Variants in ART3 observed in about 807,000 individuals in gnomAD.
The protein encoded by ART3 is ecto-ADP-ribosyltransferase 3.
In ART3, 49 loss-of-function variants were observed where a neutral mutation model predicts 48.5. That is an observed-to-expected ratio of 1.01 (90% confidence interval 0.80 to 1.28). ART3 has a LOEUF of 1.28. Ranked by LOEUF, ART3 falls within the 50% of genes most tolerant of loss-of-function variation. ART3 has a pLI of 0.00. For synonymous variants in ART3, 145 were observed against 157.2 expected (o/e 0.92, Z 0.58); for missense variants, 438 against 454.3 (o/e 0.96, Z 0.33).
At chr4:76,037,951 A>G (rs2149415512) in intron 1 of ART3, among the ~76,000 whole-genome samples, 1 of 152,256 alleles carries the variant, frequency 6.6e-6, no homozygotes, top group African/African-American at 2.4e-5. Context: ...GAAATTATAT[A>G]TTTATTTAGA....
At chr4:76,017,554 A>G (rs888980882) in intron 1 of ART3, among the ~76,000 whole-genome samples, 1 of 151,880 alleles carries the variant, frequency 6.6e-6, no homozygotes, top group African/African-American at 2.4e-5. Context: ...GGGTGGTGCA[A>G]GCACTCTCTT....
intron 1 of ART3, among the ~76,000 whole-genome samples, chr4:76,016,502 T>C (rs1438998136): frequency 6.6e-6 from 1 of 152,182 alleles, no homozygotes; most frequent in East Asian, 1.9e-4. Flanking sequence ...ACCACTGACG[T>C]TGTGCTGAGT....
Position 76,097,683 on chromosome 4 carries a change from T to C in ART3, c.814+7T>C. On this transcript the variant is annotated splice_region_variant and intron_variant, in intron 4 of 11. Coordinates refer to ENST00000355810, the MANE Select transcript of ART3 (RefSeq NM_001130016.3). ...AACTGTATTGAGAACCTAGGTAAGA[T>C]AGCTTTAAAGTCTTATCCCTATAAT... is the stretch of plus-strand genomic sequence containing the variant. 6.2e-7 allele frequency: 1 copy of C among 1,606,472 alleles called. No homozygotes were observed. Among genetic ancestry groups the C allele is most frequent in the Non-Finnish European group, 8.5e-7 (1 of 1,173,278 alleles).
rs149862377 is a variant in ART3 at position 76,100,315 on chromosome 4, A to G, written c.872A>G (p.Asp291Gly). The G allele has an allele frequency of 5.4e-5, 87 of 1,612,910 alleles. No individual in the cohort carries two copies. The African/African-American group carries it at 1.0e-3, about 19-fold the overall frequency. ...NPGEKNQKLE[D>G]HSEKNWKLED... ...GGTGAGAAAAACCAGAAGCTTGAAG[A>G]CCATAGTAAGACATTTTTATAAATT... The change falls in exon 6 of 12, where the codon GAC (aspartate) becomes GGC (glycine). Residue 291 changes from aspartate (D) to glycine (G), a missense_variant. Around this residue, in one of 3 missense-constraint regions of ART3, gnomAD observed 227 missense variants for 229.6 expected, o/e 0.99. Coordinates refer to ENST00000355810, the MANE Select transcript of ART3 (RefSeq NM_001130016.3).
chr4:76,110,072 G>A (rs1185595989), intron 11 of ART3, among the ~76,000 whole-genome samples: 1 of 151,872 alleles, frequency 6.6e-6, no homozygotes, highest in African/African-American at 2.4e-5. Context: ...AAGGGAAAGA[G>A]TTTCTCCAGC....
At chr4:76,076,247 G>A (rs368658844) in intron 2 of ART3, among the ~76,000 whole-genome samples, 13 of 151,888 alleles carry the variant, frequency 8.6e-5, no homozygotes, top group African/African-American at 2.7e-4. Context: ...CTCATGATCC[G>A]CCCACCTCGA....
At position 76,082,451 on chromosome 4, in the gene ART3, G is replaced by A; in HGVS notation, c.697G>A (p.Val233Met). 1 of 1,613,528 alleles carries A rather than the reference G, an allele frequency of 6.2e-7. No individual in the cohort carries two copies. The highest frequency in any genetic ancestry group is 8.5e-7 in the Non-Finnish European group (1 of 1,179,986). Residue 233 changes from valine to methionine, a missense_variant, in exon 3 of 12, where the codon GTG becomes ATG. This residue lies in a region of ART3 where 227 missense variants were observed against 229.6 expected (regional missense o/e 0.99). Coordinates refer to ENST00000355810, the MANE Select transcript of ART3 (RefSeq NM_001130016.3). ...AATACCTCTGAATGAGGTTTTTCAA[G>A]TGTCACAGGAGGGGGCTGGCAATAA... ...TLIPLNEVFQ[V>M]SQEGAGNNLI...
At chr4:76,022,854 A>G (rs778254950) in intron 1 of ART3, 2 of 1,583,128 alleles carry the variant, frequency 1.3e-6, no homozygotes, top group South Asian at 1.1e-5. Context: ...AGGTTAGCAC[A>G]GTGTTCATTT....
intron 1 of ART3, among the ~76,000 whole-genome samples, chr4:76,020,603 G>A (rs2149368588): frequency 6.6e-6 from 1 of 152,268 alleles, no homozygotes; most frequent in Non-Finnish European, 1.5e-5. Context: ...AATAGAGGAG[G>A]AGAAACAGAT....
chr4:76,065,552 A>AACACACACACACACAC (rs56794781), intron 1 of ART3, among the ~76,000 whole-genome samples: 12,314 of 145,210 alleles, frequency 0.085, 689 homozygotes, highest in African/African-American at 0.15. Flanking sequence ...ATAACCCTCC[A>AACACACACACACACAC]ACACACACAC....
At chr4:76,066,894 T>TG (rs1719788324) in intron 1 of ART3, among the ~76,000 whole-genome samples, 1 of 152,090 alleles carries the variant, frequency 6.6e-6, no homozygotes. Context: ...AGCCAAGCAG[T>TG]GGGAGCAGGC....
chr4:76,038,147 A>G (rs761560125), intron 1 of ART3, among the ~76,000 whole-genome samples: 1 of 152,208 alleles, frequency 6.6e-6, no homozygotes, highest in Non-Finnish European at 1.5e-5. Flanking sequence ...CCCATCACAT[A>G]GACATTTTAT....
intron 8 of ART3, among the ~76,000 whole-genome samples, chr4:76,102,681 GTA>G (rs1404492776): frequency 8.4e-6 from 1 of 118,864 alleles, no homozygotes; most frequent in Non-Finnish European, 2.0e-5. Flanking sequence ...AAATGTATAT[GTA>G]TATATATGTA....
chr4:76,079,931 C>CAGAGAG (rs546610994), intron 2 of ART3, among the ~76,000 whole-genome samples: 4 of 150,036 alleles, frequency 2.7e-5, no homozygotes, highest in African/African-American at 9.7e-5. Flanking sequence ...CACACACACA[C>CAGAGAG]AGAGAGAGAG....
At chr4:76,021,895 T>A in intron 1 of ART3, 1 of 1,600,498 alleles carries the variant, frequency 6.2e-7, no homozygotes, top group Non-Finnish European at 8.6e-7. Context: ...GGTCCATCCT[T>A]GGAAGCACTG....
chr4:76,022,322 C>G (rs771270907), intron 1 of ART3: 2 of 1,494,372 alleles, frequency 1.3e-6, no homozygotes, highest in Non-Finnish European at 9.3e-7. Context: ...CCAAGATTGC[C>G]GTTTCCTAAA....
At chr4:76,105,444 T>C in intron 10 of ART3, 1 of 1,234,090 alleles carries the variant, frequency 8.1e-7, no homozygotes, top group Non-Finnish European at 1.0e-6. Context: ...GCAAAGTACC[T>C]AGCAAAATGA....
intron 1 of ART3, among the ~76,000 whole-genome samples, chr4:76,065,008 T>A (rs544135813): frequency 6.6e-6 from 1 of 152,100 alleles, no homozygotes; most frequent in East Asian, 1.9e-4. Context: ...ATTTTTGTAT[T>A]TTTAGTAGAG....
intron 1 of ART3, among the ~76,000 whole-genome samples, chr4:76,050,201 G>T (rs1049338091): frequency 1.2e-4 from 19 of 152,082 alleles, no homozygotes; most frequent in Admixed American, 5.2e-4. Context: ...ACCTGAGCGG[G>T]TTGCCACTGC....
Sources: allele counts gnomAD v4.1 joint callset (sites outside exome capture counted in the v4.1 genomes callset), GRCh38; gene constraint gnomAD v4.1.1; regional missense constraint gnomAD v4.1.1; transcripts MANE v1.5; gene names NCBI Gene and HGNC (gene_info 2026-07-23, HGNC 2026-07-21).